Variants in PHACTR3 observed in about 807,000 individuals in gnomAD.
PHACTR3 encodes the protein protein phosphatase 1, regulatory subunit 123.
Under a neutral mutation model 66.8 loss-of-function variants are expected in PHACTR3, and 16 were observed. The ratio of observed to expected loss-of-function variants is 0.24; its 90% CI spans 0.16 to 0.36. The LOEUF is 0.36. Among genes scored for constraint, PHACTR3 ranks in the 10% least tolerant of loss-of-function variants. The pLI, the probability that PHACTR3 is intolerant of heterozygous loss-of-function variation, is 1.00. For missense variants in PHACTR3, 647 were observed against 719.9 expected (o/e 0.90, Z 1.16); for synonymous variants, 323 against 292.1 (o/e 1.11, Z -1.08).
At chr20:59,607,781 T>C (rs1600903566) in intron 1 of PHACTR3, among the ~76,000 whole-genome samples, 1 of 152,332 alleles carries the variant, frequency 6.6e-6, no homozygotes, top group East Asian at 1.9e-4. Context: ...TCTTGCCTCA[T>C]TGCAATATCC....
At chr20:59,599,089 G>T (rs1051694877) in intron 1 of PHACTR3, among the ~76,000 whole-genome samples, 1 of 152,196 alleles carries the variant, frequency 6.6e-6, no homozygotes, top group African/African-American at 2.4e-5. Flanking sequence ...ATTGTCCTGG[G>T]GGACTGAGGC....
intron 7 of PHACTR3, among the ~76,000 whole-genome samples, chr20:59,782,897 A>C (rs1350456627): frequency 6.6e-6 from 1 of 152,198 alleles, no homozygotes; most frequent in Non-Finnish European, 1.5e-5. Context: ...AGAACGTTAC[A>C]CGGAGAGAGG....
intron 7 of PHACTR3, among the ~76,000 whole-genome samples, chr20:59,778,605 C>G (rs1420866633): frequency 6.6e-6 from 1 of 152,252 alleles, no homozygotes; most frequent in Non-Finnish European, 1.5e-5. Flanking sequence ...GCCTCTCTAC[C>G]AGCACATGGG....
intron 1 of PHACTR3, among the ~76,000 whole-genome samples, chr20:59,647,548 A>C (rs2035322748): frequency 6.6e-6 from 1 of 152,150 alleles, no homozygotes. Context: ...TTGGAGTGAC[A>C]TGCAGGTGGG....
At chr20:59,737,025 C>A (rs966094663) in intron 1 of PHACTR3, among the ~76,000 whole-genome samples, 1 of 152,154 alleles carries the variant, frequency 6.6e-6, no homozygotes, top group Admixed American at 6.5e-5. Flanking sequence ...AGCAAAGGGT[C>A]TTTTGAGCTG....
In PHACTR3 at chr20:59,774,336, G is replaced by A; in HGVS notation, c.1020G>A (p.Glu340=). The A allele has an allele frequency of 6.2e-7, 1 of 1,614,194 alleles. No individual in the cohort carries two copies. The change falls in exon 7 of 13, where the codon GAG becomes GAA. Residue 340 remains glutamate, a synonymous_variant. Coordinates refer to ENST00000371015, the MANE Select transcript of PHACTR3 (RefSeq NM_080672.5). ...GCGTGGAGCGGGGCAAGGAGAGGGA[G>A]GAGGCTTGGAGCTTTGACGGGGCAT... ...TSSVERGKER[E]EAWSFDGALE...
chr20:59,700,871 C>A (rs2037479709), intron 1 of PHACTR3, among the ~76,000 whole-genome samples: 1 of 152,172 alleles, frequency 6.6e-6, no homozygotes, highest in South Asian at 2.1e-4. Context: ...CTCTTTGCAG[C>A]CTCGACCTCC....
At chr20:59,677,901 G>A (rs934311310) in intron 1 of PHACTR3, among the ~76,000 whole-genome samples, 1 of 152,188 alleles carries the variant, frequency 6.6e-6, no homozygotes, top group African/African-American at 2.4e-5. Context: ...GAGGATCAGA[G>A]GAATGCAGTC....
intron 8 of PHACTR3, among the ~76,000 whole-genome samples, chr20:59,825,699 A>G (rs1310730116): frequency 1.3e-5 from 2 of 152,150 alleles, no homozygotes; most frequent in African/African-American, 2.4e-5. Context: ...GTTTAAGCTG[A>G]ACCATGGGGA....
chr20:59,680,112 C>G (rs988183651), intron 1 of PHACTR3, among the ~76,000 whole-genome samples: 1 of 152,092 alleles, frequency 6.6e-6, no homozygotes, highest in Non-Finnish European at 1.5e-5. Context: ...GTCCCCATCT[C>G]CTGTCTTCTG....
At chr20:59,669,643 C>G (rs539575962) in intron 1 of PHACTR3, among the ~76,000 whole-genome samples, 1 of 152,206 alleles carries the variant, frequency 6.6e-6, no homozygotes, top group Non-Finnish European at 1.5e-5. Flanking sequence ...TCCTTTCCCC[C>G]GGCCCCTGGC....
At chr20:59,846,773 A>G (rs1230092017) in intron 12 of PHACTR3, among the ~76,000 whole-genome samples, 3 of 152,222 alleles carry the variant, frequency 2.0e-5, no homozygotes, top group Admixed American at 6.5e-5. Flanking sequence ...ACAAAAAGTC[A>G]TAACTCTACT....
At position 59,774,439 on chromosome 20, in the gene PHACTR3, G is replaced by A. The variant is rs756798917; in HGVS notation, c.1123G>A (p.Asp375Asn). The change falls in exon 7 of 13, where the codon GAC (aspartate) becomes AAC (asparagine). Residue 375 changes from aspartate (D) to asparagine (N), a missense_variant. This residue lies in a region of PHACTR3 where 577 missense variants were observed against 571.1 expected (regional missense o/e 1.01). Transcript: ENST00000371015. ...NLIINSELKD[D>N]LLLYQDEEAL... ...GATCATAAATTCTGAACTCAAAGAC[G>A]ACTTGCTTTTGTATCAGGACGAGGA... is the stretch of plus-strand genomic sequence containing the variant. 8 of 1,613,880 alleles carry A rather than the reference G, an allele frequency of 5.0e-6. No homozygotes were observed. The highest frequency in any genetic ancestry group is 4.5e-5 in the East Asian group (2 of 44,898).
chr20:59,703,560 C>T (rs779357677), intron 1 of PHACTR3, among the ~76,000 whole-genome samples: 1 of 152,056 alleles, frequency 6.6e-6, no homozygotes, highest in Non-Finnish European at 1.5e-5. Context: ...AGATTTTAAA[C>T]CAAAGTTTCA....
chr20:59,778,500 C>T (rs1395158299), intron 7 of PHACTR3, among the ~76,000 whole-genome samples: 4 of 152,198 alleles, frequency 2.6e-5, no homozygotes, highest in South Asian at 4.1e-4. Context: ...GCCACCTGGC[C>T]GCTGTGTGGC....
intron 1 of PHACTR3, among the ~76,000 whole-genome samples, chr20:59,661,768 T>C (rs2035813108): frequency 6.6e-6 from 1 of 151,902 alleles, no homozygotes; most frequent in Non-Finnish European, 1.5e-5. Flanking sequence ...CAGACCTGCC[T>C]CTCGGTGGGA....
chr20:59,638,710 G>A (rs1315303402), intron 1 of PHACTR3, among the ~76,000 whole-genome samples: 1 of 147,180 alleles, frequency 6.8e-6, no homozygotes, highest in Non-Finnish European at 1.5e-5. Flanking sequence ...GGAGGGATGG[G>A]TGGGTGGATG....
chr20:59,693,725 C>A (rs1025042318), intron 1 of PHACTR3, among the ~76,000 whole-genome samples: 2 of 152,184 alleles, frequency 1.3e-5, no homozygotes, highest in Admixed American at 1.3e-4. Flanking sequence ...TGCATGCATC[C>A]GTATTCAACT....
At chr20:59,770,673 C>T (rs560190796) in intron 5 of PHACTR3, among the ~76,000 whole-genome samples, 3 of 152,356 alleles carry the variant, frequency 2.0e-5, no homozygotes, top group South Asian at 2.1e-4. Context: ...TCTCTGATCA[C>T]CCTCTGAGTC....
Sources: gnomAD v4.1 joint callset for allele counts (sites outside exome capture counted in the v4.1 genomes callset) on GRCh38, gnomAD v4.1.1 for gene constraint, gnomAD v4.1.1 regional missense constraint, MANE v1.5 for transcripts, NCBI Gene and HGNC (gene_info 2026-07-23, HGNC 2026-07-21) for gene names.